Variants in NLRP8 observed in about 807,000 individuals in gnomAD.
The protein encoded by NLRP8 is NLR family pyrin domain containing 8, also known as NACHT, LRR and PYD domains-containing protein 8.
In NLRP8, 86 loss-of-function variants were observed where a neutral mutation model predicts 88.7. That is an observed-to-expected ratio of 0.97 (90% confidence interval 0.81 to 1.16). The LOEUF (loss-of-function observed/expected upper bound fraction) is 1.16, where lower values mean the gene tolerates loss of function less well. Among genes scored for constraint, NLRP8 ranks in the 50% most tolerant of loss-of-function variants. The probability of loss-of-function intolerance (pLI) is 0.00; values close to 1 mark genes in which losing one functional copy is unlikely to be tolerated. For synonymous variants in NLRP8, 504 were observed against 494.6 expected, an observed-to-expected ratio of 1.02 and a Z score of -0.25; for missense variants, 1,342 against 1,286.5, an observed-to-expected ratio of 1.04 and a Z score of -0.66.
intron 5 of NLRP8, among the ~76,000 whole-genome samples, chr19:55,967,395 A>G (rs1173795405): frequency 2.6e-5 from 4 of 152,112 alleles, no homozygotes; most frequent in African/African-American, 2.4e-5. Context: ...CTCTATGTCC[A>G]TGAGTTCAAT....
Position 55,955,806 on chromosome 19 carries a change from A to C in NLRP8, c.1748A>C (p.Asn583Thr), listed in dbSNP as rs201576727. ...TTCCAATGCAAGGTGTCTTTCGGTA[A>C]TAAGAGGAAACTGCTGAAAGTCATA... Residue 583 changes from asparagine (N) to threonine (T), a missense_variant, in exon 3 of 10, where the codon AAT becomes ACT. Physicochemically the swap from Asn to Thr is moderately conservative, Grantham distance 65. Coordinates refer to ENST00000291971, the MANE Select transcript of NLRP8 (RefSeq NM_176811.2). The C allele has an allele frequency of 1.2e-6, 2 of 1,614,188 alleles. No homozygotes were observed. The highest frequency in any genetic ancestry group is 2.7e-5 in the African/African-American group (2 of 75,060).
rs575075134 is a variant in NLRP8, at chr19:55,954,883, G to A, written c.825G>A (p.Met275Ile). The stretch of plus-strand genomic sequence containing the variant: ...CTCAGGACCTCGTGTCAAAGATTAT[G>A]TCCAAACCCGACCAACTTCTGCTGC... The change falls in exon 3 of 10, where the codon ATG (methionine) becomes ATA (isoleucine). Residue 275 changes from methionine to isoleucine, a missense_variant. Transcript: ENST00000291971. 6 of 1,614,062 alleles carry A rather than the reference G, an allele frequency of 3.7e-6. No homozygotes were observed. The highest frequency in any genetic ancestry group is 5.1e-6 in the Non-Finnish European group (6 of 1,180,058).
intron 1 of NLRP8, among the ~76,000 whole-genome samples, chr19:55,948,629 G>A (rs1278064080): frequency 2.0e-5 from 3 of 152,120 alleles, no homozygotes; most frequent in East Asian, 3.9e-4. Context: ...GTAGAGACGG[G>A]GTTTCACCAT....
rs566053709 is a variant in NLRP8 at position 55,948,359 on chromosome 19, C to T, written c.367+90C>T. 2.2e-6 allele frequency: 3 copies of T among 1,373,702 alleles called. No homozygotes were observed. The East Asian group carries it at 6.9e-5, about 32-fold the overall frequency. The allele number at this position is 1,373,702 out of a possible 1,614,324, so 85.1% of individuals were successfully genotyped here. On this transcript the variant is annotated intron_variant, in intron 1 of 9. Transcript: ENST00000291971. ...GTCACCACCCCTATCACTTATTGGC[C>T]TTCTGAGCAAGAAAGCAAACAGTGG...
intron 7 of NLRP8, among the ~76,000 whole-genome samples, chr19:55,974,690 C>T (rs1251337837): frequency 5.3e-5 from 8 of 150,094 alleles, no homozygotes; most frequent in African/African-American, 1.7e-4. Context: ...GAGCCAAGAT[C>T]GCACCACTGC....
Position 55,949,528 on chromosome 19 carries a change from A to G in NLRP8, c.367+1259A>G, listed in dbSNP as rs573298802. Among the ~76,000 whole-genome samples, 4 of 152,202 alleles carry G rather than the reference A, an allele frequency of 2.6e-5. No homozygotes were observed. In the East Asian group the frequency reaches 7.7e-4, roughly 29 times the overall value. ...GCTGGAATTACAGGTGTGAGCCACCACACCCGGCCTAGATATGTATTTAAA... is the reference window on the plus strand; with the variant it reads ...GCTGGAATTACAGGTGTGAGCCACCGCACCCGGCCTAGATATGTATTTAAA... On this transcript the variant is annotated intron_variant, in intron 1 of 9. Coordinates refer to ENST00000291971, the MANE Select transcript of NLRP8 (RefSeq NM_176811.2).
intron 8 of NLRP8, among the ~76,000 whole-genome samples, chr19:55,976,519 A>G (rs1980335054): frequency 6.6e-6 from 1 of 152,116 alleles, no homozygotes; most frequent in South Asian, 2.1e-4. Flanking sequence ...TTGGGGCCCC[A>G]CTTCGGACCT....
chr19:55,959,688 G>A (rs181521023), intron 3 of NLRP8, among the ~76,000 whole-genome samples: 2 of 152,274 alleles, frequency 1.3e-5, no homozygotes, highest in Non-Finnish European at 2.9e-5. Flanking sequence ...TGGGAAACAA[G>A]AGAGTCTATT....
rs550887879 is a variant in NLRP8, at chr19:55,958,818, G to A, written c.2042+2718G>A. Reference sequence around the variant, plus strand: ...CTCTCGCCTCTGCCTGCCAAAGTGCGGGGATTACAGGTGTGAGCCACCGCG... The same window carrying A: ...CTCTCGCCTCTGCCTGCCAAAGTGCAGGGATTACAGGTGTGAGCCACCGCG... On this transcript the variant is annotated intron_variant, in intron 3 of 9. Transcript: ENST00000291971. Among the ~76,000 whole-genome samples the A allele has an allele frequency of 1.2e-3, 184 of 151,336 alleles. 3 individuals carry two copies. In the South Asian group the frequency reaches 0.027, roughly 22 times the overall value.
intron 7 of NLRP8, among the ~76,000 whole-genome samples, chr19:55,974,498 C>G (rs577542412): frequency 6.6e-6 from 1 of 151,788 alleles, no homozygotes; most frequent in African/African-American, 2.4e-5. Context: ...CCTGTAATCC[C>G]AGCACTTTGG....
At chr19:55,957,552 GGC>G (rs1979408725) in intron 3 of NLRP8, among the ~76,000 whole-genome samples, 1 of 151,588 alleles carries the variant, frequency 6.6e-6, no homozygotes, top group Non-Finnish European at 1.5e-5. Flanking sequence ...CAGGCATGGT[GGC>G]GGGCACCTGT....
chr19:55,982,566 G>A (rs1233944396), intron 9 of NLRP8, among the ~76,000 whole-genome samples: 2 of 152,216 alleles, frequency 1.3e-5, no homozygotes, highest in East Asian at 3.8e-4. Context: ...AGAATCTTCA[G>A]AGAAAGAGCT....
intron 9 of NLRP8, 41 bp downstream of exon 9, chr19:55,979,605 A>T: frequency 6.2e-7 from 1 of 1,607,886 alleles, no homozygotes; most frequent in Non-Finnish European, 8.5e-7. Flanking sequence ...CCTACCACAC[A>T]AGAGAAGCTC....
chr19:55,954,751 G>A lies in NLRP8; in HGVS notation c.693G>A (p.Lys231=), dbSNP rs926172337. The change falls in exon 3 of 10, where the codon AAG becomes AAA. Residue 231 remains lysine, a synonymous_variant. Transcript: ENST00000291971. ...TGATGTTTGAGTGGGCCAGAAACAA[G>A]TTCTACGCCCACAAGCGCTGGTGTG... The A allele has an allele frequency of 7.4e-6, 12 of 1,614,072 alleles. No individual in the cohort carries two copies. The highest frequency in any genetic ancestry group is 6.7e-5 in the African/African-American group (5 of 74,916).
intron 2 of NLRP8, among the ~76,000 whole-genome samples, chr19:55,953,363 A>G (rs896565670): frequency 2.6e-5 from 4 of 152,164 alleles, no homozygotes; most frequent in Non-Finnish European, 5.9e-5. Flanking sequence ...TAATAATAGA[A>G]ATAAAGTACA....
chr19:55,985,891 C>A (rs1484183766), intron 9 of NLRP8, among the ~76,000 whole-genome samples: 1 of 152,158 alleles, frequency 6.6e-6, no homozygotes, highest in African/African-American at 2.4e-5. Flanking sequence ...TGGTACACAC[C>A]TGTAGTCCCA....
At chr19:55,949,155 T>C (rs1463587101) in intron 1 of NLRP8, among the ~76,000 whole-genome samples, 1 of 152,224 alleles carries the variant, frequency 6.6e-6, no homozygotes, top group East Asian at 1.9e-4. Context: ...TAGTATAGTA[T>C]TATAATTGTT....
rs772292452 is a variant in NLRP8 at position 55,955,442 on chromosome 19, A to G, written c.1384A>G (p.Met462Val). ...TCTGTGTCACTTGGCCGCAGACAGC[A>G]TGTGGCACAGGAAATGGGTGTTAGG... The change falls in exon 3 of 10, where the codon ATG (methionine) becomes GTG (valine). Residue 462 changes from methionine (M) to valine (V), a missense_variant. Transcript: ENST00000291971. 3.7e-6 allele frequency: 6 copies of G among 1,614,122 alleles called. No homozygotes were observed. In the South Asian group the frequency reaches 4.4e-5, roughly 12 times the overall value.
intron 1 of NLRP8, among the ~76,000 whole-genome samples, chr19:55,949,984 T>C (rs530760172): frequency 6.6e-6 from 1 of 152,076 alleles, no homozygotes; most frequent in Admixed American, 6.6e-5. Flanking sequence ...CAGGAGGAAA[T>C]AGCTCATCAT....
Sources: allele counts gnomAD v4.1 joint callset (sites outside exome capture counted in the v4.1 genomes callset), GRCh38; gene constraint gnomAD v4.1.1; transcripts MANE v1.5; gene names NCBI Gene and HGNC (gene_info 2026-07-23, HGNC 2026-07-21).